Variants in CSMD3 observed in about 807,000 individuals in gnomAD.
CSMD3 encodes the protein CUB and sushi domain-containing protein 3.
CSMD3 carries 177 observed loss-of-function variants against 435.2 expected under a neutral mutation model. The observed-to-expected ratio is 0.41, with a 90% CI of 0.36 to 0.46. CSMD3 has a LOEUF of 0.46. Among genes scored for constraint, CSMD3 ranks in the 20% least tolerant of loss-of-function variants. The pLI, the probability that CSMD3 is intolerant of heterozygous loss-of-function variation, is 0.34. For missense variants in CSMD3, 4,265 were observed against 4,504.6 expected (o/e 0.95, Z 1.52); for synonymous variants, 1,656 against 1,520.5 (o/e 1.09, Z -2.07).
chr8:113,306,751 G>A (rs2093824678), intron 2 of CSMD3, among the ~76,000 whole-genome samples: 2 of 152,116 alleles, frequency 1.3e-5, no homozygotes, highest in African/African-American at 4.8e-5. Flanking sequence ...TTCTGAAGGA[G>A]AAAAGGTCTA....
intron 4 of CSMD3, among the ~76,000 whole-genome samples, chr8:113,123,886 T>A (rs1236287194): frequency 6.6e-6 from 1 of 151,980 alleles, no homozygotes; most frequent in African/African-American, 2.4e-5. Context: ...TGTCTCTGTT[T>A]AAATGTGTTA....
intron 3 of CSMD3, among the ~76,000 whole-genome samples, chr8:113,256,222 G>C (rs1379973098): frequency 6.6e-6 from 1 of 152,124 alleles, no homozygotes; most frequent in Non-Finnish European, 1.5e-5. Flanking sequence ...TATAAAACAA[G>C]TCCATGCCCA....
chr8:113,377,280 T>C, intron 1 of CSMD3: 2 of 266,796 alleles, frequency 7.5e-6, no homozygotes, highest in Non-Finnish European at 1.3e-5. Flanking sequence ...TAAAAATATT[T>C]TGGATGCTGA....
chr8:113,158,129 G>C (rs959219226), intron 4 of CSMD3, among the ~76,000 whole-genome samples: 2 of 150,618 alleles, frequency 1.3e-5, no homozygotes, highest in Non-Finnish European at 3.0e-5. Context: ...TGAAAATTCT[G>C]ATTGAATAAG....
At chr8:112,763,904 T>G (rs980064751) in intron 13 of CSMD3, among the ~76,000 whole-genome samples, 20 of 151,352 alleles carry the variant, frequency 1.3e-4, no homozygotes, top group Non-Finnish European at 2.4e-4. Context: ...TTTTTTTTCT[T>G]GCTGGCAGCT....
intron 65 of CSMD3, among the ~76,000 whole-genome samples, chr8:112,243,678 G>C (rs548879526): frequency 4.6e-5 from 7 of 152,182 alleles, no homozygotes; most frequent in Admixed American, 3.3e-4. Context: ...CTAGGCATTA[G>C]GGTAGCAATT....
chr8:113,388,666 A>G (rs1480754667), intron 1 of CSMD3, among the ~76,000 whole-genome samples: 1 of 151,670 alleles, frequency 6.6e-6, no homozygotes, highest in East Asian at 1.9e-4. Flanking sequence ...AAAAATTCCC[A>G]TAAAAAATTC....
rs1209725644 is a variant in CSMD3 at position 113,153,154 on chromosome 8, G to T, written c.709+20568C>A. Among the ~76,000 whole-genome samples the T allele has an allele frequency of 2.3e-5, 3 of 131,228 alleles. No individual in the cohort carries two copies. The East Asian group carries it at 6.5e-4, about 28-fold the overall frequency. 86.1% of individuals were successfully genotyped at this position (131,228 alleles called of 152,430 possible). Reference sequence around the variant, plus strand: ...AAGAAGGAAGGAAGGAAGGAAGGAAGGAAGGAAGGAAGGAAGGAAAGAAGG... The same window carrying T: ...AAGAAGGAAGGAAGGAAGGAAGGAATGAAGGAAGGAAGGAAGGAAAGAAGG... On this transcript the variant is annotated intron_variant, in intron 4 of 70. Coordinates refer to ENST00000297405, the MANE Select transcript of CSMD3 (RefSeq NM_198123.2).
At chr8:112,627,174 G>T (rs1249746588) in intron 22 of CSMD3, among the ~76,000 whole-genome samples, 1 of 152,062 alleles carries the variant, frequency 6.6e-6, no homozygotes, top group African/African-American at 2.4e-5. Context: ...TACTTTCTAG[G>T]TTAATATTAT....
At chr8:113,174,480 GATA>G (rs1275715441) in intron 3 of CSMD3, among the ~76,000 whole-genome samples, 2 of 151,962 alleles carry the variant, frequency 1.3e-5, no homozygotes, top group African/African-American at 4.8e-5. Flanking sequence ...TACTACGAAT[GATA>G]ATAATAAGTG....
intron 3 of CSMD3, among the ~76,000 whole-genome samples, chr8:113,197,871 G>A (rs978345555): frequency 2.0e-5 from 3 of 150,818 alleles, no homozygotes; most frequent in Non-Finnish European, 4.5e-5. Context: ...ATTGTTCTAG[G>A]TGGACAGAAC....
At chr8:112,720,576 T>C (rs60503916) in intron 13 of CSMD3, among the ~76,000 whole-genome samples, 2,664 of 152,290 alleles carry the variant, frequency 0.017, 77 homozygotes, top group African/African-American at 0.061. Flanking sequence ...ATCACATTCA[T>C]TTGCATGTAG....
At chr8:112,861,844 C>T (rs538434872) in intron 10 of CSMD3, among the ~76,000 whole-genome samples, 6 of 152,010 alleles carry the variant, frequency 3.9e-5, no homozygotes, top group African/African-American at 1.2e-4. Context: ...CTTAATACTT[C>T]GTAATTCTCT....
intron 45 of CSMD3, among the ~76,000 whole-genome samples, chr8:112,320,735 T>A (rs916781664): frequency 6.6e-6 from 1 of 151,418 alleles, no homozygotes; most frequent in Non-Finnish European, 1.5e-5. Flanking sequence ...ATGAGTGAAT[T>A]GCCCCCATTC....
intron 3 of CSMD3, among the ~76,000 whole-genome samples, chr8:113,197,417 C>T (rs2092670352): frequency 6.6e-6 from 1 of 150,976 alleles, no homozygotes. Context: ...CAGTTCTGTA[C>T]TAGACAGTGG....
At chr8:113,208,379 TC>T (rs2092794993) in intron 3 of CSMD3, among the ~76,000 whole-genome samples, 1 of 152,092 alleles carries the variant, frequency 6.6e-6, no homozygotes, top group Non-Finnish European at 1.5e-5. Flanking sequence ...AGTATCCTCT[TC>T]CATACAATAT....
intron 4 of CSMD3, among the ~76,000 whole-genome samples, chr8:113,171,221 C>T (rs2092261680): frequency 6.6e-6 from 1 of 151,884 alleles, no homozygotes; most frequent in South Asian, 2.1e-4. Flanking sequence ...TTACATTAAA[C>T]TCTAACAGGT....
chr8:112,505,686 T>C (rs770054376), intron 29 of CSMD3, among the ~76,000 whole-genome samples: 2 of 152,120 alleles, frequency 1.3e-5, no homozygotes, highest in African/African-American at 2.4e-5. Context: ...TTACGTTTTT[T>C]TTCTGAAAAA....
At chr8:112,690,596 C>T (rs534295523) in intron 13 of CSMD3, among the ~76,000 whole-genome samples, 13 of 146,626 alleles carry the variant, frequency 8.9e-5, no homozygotes, top group Admixed American at 6.1e-4. Context: ...GACCCCCCCC[C>T]CCAACAAAAA....
Sources: gnomAD v4.1 joint callset for allele counts (sites outside exome capture counted in the v4.1 genomes callset) on GRCh38, gnomAD v4.1.1 for gene constraint, MANE v1.5 for transcripts, NCBI Gene and HGNC (gene_info 2026-07-23, HGNC 2026-07-21) for gene names.